Variants in SNX24 observed in about 807,000 individuals in gnomAD.
SNX24 encodes sorting nexin-24.
SNX24 carries 22 observed loss-of-function variants against 28.7 expected under a neutral mutation model. That is an observed-to-expected ratio of 0.77 (90% confidence interval 0.55 to 1.10). The LOEUF (loss-of-function observed/expected upper bound fraction) is 1.10. SNX24 is among the 50% of genes least tolerant of loss of function. SNX24 has a pLI of 0.00. For synonymous variants in SNX24, 69 were observed against 71.5 expected (o/e 0.96, Z 0.18); for missense variants, 221 against 201.1 (o/e 1.10, Z -0.60).
intron 1 of SNX24, among the ~76,000 whole-genome samples, chr5:122,903,118 T>G (rs980381966): frequency 1.3e-5 from 2 of 152,066 alleles, no homozygotes; most frequent in Non-Finnish European, 2.9e-5. Context: ...TTTGTTTGTT[T>G]TTTTTTGATA....
At chr5:122,847,541 T>C (rs574583161) in intron 1 of SNX24, among the ~76,000 whole-genome samples, 1 of 140,778 alleles carries the variant, frequency 7.1e-6, no homozygotes, top group Non-Finnish European at 1.5e-5. Context: ...TCACCCAGGC[T>C]GGAGTGCAGT....
intron 1 of SNX24, among the ~76,000 whole-genome samples, chr5:122,908,804 C>T (rs1757756503): frequency 6.6e-6 from 1 of 152,136 alleles, no homozygotes; most frequent in African/African-American, 2.4e-5. Flanking sequence ...AGGGGAAGAT[C>T]GTCAGGGTCC....
At chr5:123,023,836 A>ACACACACACACC (rs750956100) in intron 5 of SNX24, 9 of 1,602,828 alleles carry the variant, frequency 5.6e-6, no homozygotes, top group Non-Finnish European at 6.8e-6. Flanking sequence ...ACACACACAC[A>ACACACACACACC]CCCCTGCCAA....
chr5:122,916,639 A>G (rs79309027), intron 1 of SNX24, among the ~76,000 whole-genome samples: 4,265 of 152,278 alleles, frequency 0.028, 75 homozygotes, highest in Middle Eastern at 0.054. Flanking sequence ...TGTTACTTCC[A>G]TACCTGATGA....
At chr5:122,918,178 G>C (rs1362713253) in intron 1 of SNX24, among the ~76,000 whole-genome samples, 2 of 152,222 alleles carry the variant, frequency 1.3e-5, no homozygotes, top group Non-Finnish European at 2.9e-5. Context: ...GGAGGCCCAA[G>C]TGGGCAGATC....
intron 1 of SNX24, among the ~76,000 whole-genome samples, chr5:122,923,297 C>G (rs1378812128): frequency 6.6e-6 from 1 of 151,494 alleles, no homozygotes; most frequent in Non-Finnish European, 1.5e-5. Context: ...TATGATTACA[C>G]CACTGCACTG....
intron 1 of SNX24, among the ~76,000 whole-genome samples, chr5:122,920,811 A>C (rs1758399976): frequency 6.6e-6 from 1 of 152,242 alleles, no homozygotes; most frequent in Non-Finnish European, 1.5e-5. Context: ...TGAGATATAC[A>C]TGTTCAATGC....
At chr5:123,020,290 A>C (rs747573811) in intron 5 of SNX24, among the ~76,000 whole-genome samples, 3 of 152,232 alleles carry the variant, frequency 2.0e-5, no homozygotes, top group Non-Finnish European at 4.4e-5. Flanking sequence ...CTAGAGAAAA[A>C]TTAAAAACTG....
At chr5:122,918,144 C>T (rs1758263673) in intron 1 of SNX24, among the ~76,000 whole-genome samples, 1 of 151,906 alleles carries the variant, frequency 6.6e-6, no homozygotes, top group African/African-American at 2.4e-5. Flanking sequence ...CCTGGTGGCT[C>T]CCACCTGTAA....
At chr5:122,968,204 G>A (rs982702053) in intron 3 of SNX24, among the ~76,000 whole-genome samples, 3 of 152,142 alleles carry the variant, frequency 2.0e-5, no homozygotes, top group African/African-American at 7.2e-5. Context: ...AGTTAGCCGG[G>A]CGTGGTGGCA....
intron 1 of SNX24, among the ~76,000 whole-genome samples, chr5:122,900,251 A>G (rs1439348007): frequency 6.6e-6 from 1 of 151,990 alleles, no homozygotes; most frequent in African/African-American, 2.4e-5. Flanking sequence ...TTGATAATAC[A>G]TATACAGTGT....
At chr5:122,952,142 T>C (rs1270339166) in intron 3 of SNX24, among the ~76,000 whole-genome samples, 2 of 152,198 alleles carry the variant, frequency 1.3e-5, no homozygotes, top group African/African-American at 4.8e-5. Flanking sequence ...ATTCCCAAGA[T>C]ATCTCATTAT....
At chr5:122,863,720 T>C (rs1755590479) in intron 1 of SNX24, among the ~76,000 whole-genome samples, 1 of 151,782 alleles carries the variant, frequency 6.6e-6, no homozygotes, top group South Asian at 2.1e-4. Context: ...CACACCTGGC[T>C]AATTTTTTAT....
intron 1 of SNX24, among the ~76,000 whole-genome samples, chr5:122,921,787 A>G (rs970534324): frequency 6.6e-6 from 1 of 152,206 alleles, no homozygotes; most frequent in African/African-American, 2.4e-5. Flanking sequence ...ACTAAGGGAA[A>G]GCAACCCATG....
chr5:122,853,682 C>T, intron 1 of SNX24: 2 of 401,320 alleles, frequency 5.0e-6, no homozygotes, highest in South Asian at 1.8e-5. Flanking sequence ...AGGTGAGGGT[C>T]TTGCAGTGTT....
chr5:123,011,137 A>T (rs1479114151), downstream of SNX24, among the ~76,000 whole-genome samples: 1 of 152,172 alleles, frequency 6.6e-6, no homozygotes, highest in Non-Finnish European at 1.5e-5. Flanking sequence ...AAAAACTTTA[A>T]TCATTCAAAC....
intron 3 of SNX24, among the ~76,000 whole-genome samples, chr5:122,993,514 A>G (rs569578840): frequency 1.3e-5 from 2 of 152,172 alleles, no homozygotes; most frequent in South Asian, 4.1e-4. Context: ...GATAGCAGGT[A>G]TGGTCTCGAT....
chr5:122,886,728 G>A (rs1756735132), intron 1 of SNX24, among the ~76,000 whole-genome samples: 2 of 151,962 alleles, frequency 1.3e-5, no homozygotes, highest in South Asian at 4.1e-4. Flanking sequence ...TACTCAGGAG[G>A]CTGAGGCAGG....
At position 122,884,257 on chromosome 5, in the gene SNX24, T is replaced by TTC. The variant is rs549339630; in HGVS notation, c.60+38565_60+38566insCT. ...CCCTCAATTGTTTCTTTTTCTTTTT[T>TTC]TTTTTTTTTTTTTTCAGACAGAGTC... On this transcript the variant is annotated intron_variant, in intron 1 of 6. Coordinates refer to ENST00000261369, the MANE Select transcript of SNX24 (RefSeq NM_014035.4). 1.3e-3 allele frequency among the ~76,000 whole-genome samples: 183 copies of TTC among 142,756 alleles called. 1 individual carries two copies. Among genetic ancestry groups the TTC allele is most frequent in the Non-Finnish European group, 2.3e-3 (150 of 65,860 alleles). The allele number at this position is 142,756 out of a possible 152,430, so 93.7% of individuals were successfully genotyped here.
Sources: gnomAD v4.1 joint callset for allele counts (sites outside exome capture counted in the v4.1 genomes callset) on GRCh38, gnomAD v4.1.1 for gene constraint, MANE v1.5 for transcripts, NCBI Gene and HGNC (gene_info 2026-07-23, HGNC 2026-07-21) for gene names.